The following RPS6KA2 variants were observed in gnomAD, a reference collection of about 807,000 sequenced individuals.
The protein encoded by RPS6KA2 is ribosomal protein S6 kinase alpha-2.
RPS6KA2 carries 42 observed loss-of-function variants against 91.8 expected under a neutral mutation model. That is an observed-to-expected ratio of 0.46 (90% CI 0.36 to 0.59). The LOEUF is 0.59. Among genes scored for constraint, RPS6KA2 ranks in the 20% least tolerant of loss-of-function variants. The pLI, the probability that RPS6KA2 is intolerant of heterozygous loss-of-function variation, is 0.00. For synonymous variants in RPS6KA2, 414 were observed against 393.6 expected (o/e 1.05, Z -0.61); for missense variants, 798 against 978.5 (o/e 0.82, Z 2.46).
chr6:166,655,449 G>C (rs1470528309), intron 2 of RPS6KA2, among the ~76,000 whole-genome samples: 1 of 152,224 alleles, frequency 6.6e-6, no homozygotes, highest in South Asian at 2.1e-4. Context: ...GGAACAAACA[G>C]AGCGGACTCC....
chr6:166,788,621 G>C (rs1458557163), intron 2 of RPS6KA2, among the ~76,000 whole-genome samples: 2 of 152,160 alleles, frequency 1.3e-5, no homozygotes, highest in African/African-American at 4.8e-5. Flanking sequence ...TCATTCATAA[G>C]TGGGAGCTGA....
At chr6:166,661,362 A>C (rs2128557700) in intron 2 of RPS6KA2, among the ~76,000 whole-genome samples, 1 of 152,270 alleles carries the variant, frequency 6.6e-6, no homozygotes, top group African/African-American at 2.4e-5. Context: ...GGCCTCCCCA[A>C]GTTCTAGGAT....
intron 1 of RPS6KA2, among the ~76,000 whole-genome samples, chr6:166,616,837 G>A (rs1386474342): frequency 6.6e-6 from 1 of 152,250 alleles, no homozygotes; most frequent in Non-Finnish European, 1.5e-5. Context: ...TGCCCAGCAG[G>A]AGCCACAGTG....
At chr6:166,859,973 G>C (rs1300462501) in intron 1 of RPS6KA2, among the ~76,000 whole-genome samples, 6 of 152,178 alleles carry the variant, frequency 3.9e-5, no homozygotes, top group East Asian at 1.9e-4. Context: ...GGGTTTTAGG[G>C]CATTTAACTT....
chr6:166,749,950 AGAG>A lies in RPS6KA2; in HGVS notation c.123+108247_123+108249del, dbSNP rs1363853444. ...AAGGGGGATACTGAGTGAGGAAAAC[AGAG>A]AGGGCGGTGGAGGTGGCCACACAGT... On this transcript the variant is annotated intron_variant, in intron 2 of 21. Transcript: ENST00000503859. Among the ~76,000 whole-genome samples the A allele has an allele frequency of 2.6e-5, 4 of 151,728 alleles. No individual in the cohort carries two copies. In the East Asian group the frequency reaches 7.9e-4, roughly 30 times the overall value.
At chr6:166,827,786 A>T (rs1780086016) in intron 2 of RPS6KA2, among the ~76,000 whole-genome samples, 1 of 152,232 alleles carries the variant, frequency 6.6e-6, no homozygotes, top group African/African-American at 2.4e-5. Flanking sequence ...TCTTAAATAT[A>T]ACAATTTCAA....
intron 1 of RPS6KA2, among the ~76,000 whole-genome samples, chr6:166,587,175 A>G (rs1785202840): frequency 6.6e-6 from 1 of 152,242 alleles, no homozygotes; most frequent in South Asian, 2.1e-4. Flanking sequence ...TCTTTTATGA[A>G]CTCAGGGAAA....
chr6:166,544,117 C>T (rs1783747147), intron 1 of RPS6KA2, among the ~76,000 whole-genome samples: 1 of 152,198 alleles, frequency 6.6e-6, no homozygotes, highest in African/African-American at 2.4e-5. Flanking sequence ...CAGGGTTTGG[C>T]CTCTGCGTAT....
chr6:166,433,079 C>G lies in RPS6KA2; in HGVS notation c.1333-589G>C, dbSNP rs1382863496. Among the ~76,000 whole-genome samples the G allele has an allele frequency of 6.7e-6, 1 of 149,072 alleles. No homozygotes were observed. The highest frequency in any genetic ancestry group is 2.0e-4 in the East Asian group (1 of 4,960). Reference sequence around the variant, plus strand: ...GTTGGGTGGAGACACGTGTAGGGAGCTCATGCAAGTGCCACCAAATAACAG... The same window carrying G: ...GTTGGGTGGAGACACGTGTAGGGAGGTCATGCAAGTGCCACCAAATAACAG... On this transcript the variant is annotated intron_variant, in intron 14 of 20. Coordinates refer to ENST00000265678, the MANE Select transcript of RPS6KA2 (RefSeq NM_021135.6). The surrounding 1 kb of genome is among the most constrained non-coding windows in gnomAD (Gnocchi z 4.4).
In RPS6KA2 at chr6:166,586,061, C is replaced by T. The variant is rs530516111; in HGVS notation, c.99+40860G>A. 1.3e-4 allele frequency: 121 copies of T among 907,344 alleles called. 2 individuals carry two copies. In the South Asian group the frequency reaches 2.1e-3, roughly 15 times the overall value. The allele number at this position is 907,344 out of a possible 1,614,324, so 56.2% of individuals were successfully genotyped here. On this transcript the variant is annotated intron_variant, in intron 1 of 20. Coordinates refer to ENST00000265678, the MANE Select transcript of RPS6KA2 (RefSeq NM_021135.6). ...GTAAAACTATGACCAACAGAAGACA[C>T]CCAAACTTTTCTCATGGTAACAGAG...
At chr6:166,443,475 A>G (rs1466355214) in intron 14 of RPS6KA2, among the ~76,000 whole-genome samples, 2 of 152,242 alleles carry the variant, frequency 1.3e-5, no homozygotes, top group African/African-American at 4.8e-5. Context: ...GAACCACAAG[A>G]TACCATTTTT....
At position 166,770,956 on chromosome 6, in the gene RPS6KA2, G is replaced by A. The variant is rs760198969; in HGVS notation, c.123+87244C>T. 3.2e-6 allele frequency: 5 copies of A among 1,577,004 alleles called. No homozygotes were observed. The African/African-American group carries it at 6.8e-5, about 21-fold the overall frequency. On this transcript the variant is annotated intron_variant, in intron 2 of 21. Coordinates refer to the RPS6KA2 transcript ENST00000503859. The surrounding 1 kb of genome is among the most constrained non-coding windows in gnomAD (Gnocchi z 5.1). ...AAGAAAGAATTCCTTTAAGTCACAG[G>A]ACGTATTTACAGTCAGCAACTTCAT...
In RPS6KA2 at chr6:166,448,588, G is replaced by A; in HGVS notation, c.1332+136C>T. ...GTGCTCCTATGCTCCGTGCTCCCAT[G>A]TGCTGTACATGCTCCCACACGCTGC... On this transcript the variant is annotated intron_variant, in intron 14 of 20. Coordinates refer to ENST00000265678, the MANE Select transcript of RPS6KA2 (RefSeq NM_021135.6). This position sits in a 1 kb window ranked among gnomAD's most constrained non-coding sequence, Gnocchi z 4.7. 1 of 1,116,980 alleles carries A rather than the reference G, an allele frequency of 9.0e-7. No individual in the cohort carries two copies. The allele number at this position is 1,116,980 out of a possible 1,614,324, so 69.2% of individuals were successfully genotyped here.
chr6:166,603,456 G>A lies in RPS6KA2; in HGVS notation c.99+23465C>T, dbSNP rs1341531022. On this transcript the variant is annotated intron_variant, in intron 1 of 20. Coordinates refer to ENST00000265678, the MANE Select transcript of RPS6KA2 (RefSeq NM_021135.6). This position sits in a 1 kb window ranked among gnomAD's most constrained non-coding sequence, Gnocchi z 4.3. ...CACCAGCCACACGGGAGATGGTGTG[G>A]GATGTGGGATCTGAAAGGCTTCATT... Among the ~76,000 whole-genome samples the A allele has an allele frequency of 1.3e-5, 2 of 152,164 alleles. No homozygotes were observed. The highest frequency in any genetic ancestry group is 3.9e-4 in the East Asian group (2 of 5,190).
rs546552706 is a variant in RPS6KA2, at chr6:166,861,199, G to A, written c.63+909C>T. 9.2e-4 allele frequency among the ~76,000 whole-genome samples: 140 copies of A among 152,248 alleles called. 1 individual carries two copies. Among genetic ancestry groups the A allele is most frequent in the African/African-American group, 3.1e-3 (130 of 41,524 alleles). On this transcript the variant is annotated intron_variant, in intron 1 of 21. Coordinates refer to the RPS6KA2 transcript ENST00000503859. ...TGACTATCTCAAGACGTACATATAA[G>A]AATAAATAAAATTTAAAATAGCATT... is the stretch of plus-strand genomic sequence containing the variant.
intron 3 of RPS6KA2, among the ~76,000 whole-genome samples, chr6:166,520,894 G>A (rs1484394695): frequency 6.6e-6 from 1 of 152,260 alleles, no homozygotes; most frequent in African/African-American, 2.4e-5. Flanking sequence ...AACTCAGAGA[G>A]CATCAGGGCT....
chr6:166,563,689 A>T lies in RPS6KA2; in HGVS notation c.100-24905T>A, dbSNP rs1424377934. Reference sequence around the variant, plus strand: ...CTGCTTAAAGACATTGATGGATTTTATGAAGAAAATATTTAAGCCAATTTA... The same window carrying T: ...CTGCTTAAAGACATTGATGGATTTTTTGAAGAAAATATTTAAGCCAATTTA... On this transcript the variant is annotated intron_variant, in intron 1 of 20. Coordinates refer to ENST00000265678, the MANE Select transcript of RPS6KA2 (RefSeq NM_021135.6). This position sits in a 1 kb window ranked among gnomAD's most constrained non-coding sequence, Gnocchi z 4.1. Among the ~76,000 whole-genome samples the T allele has an allele frequency of 1.3e-5, 2 of 152,040 alleles. No individual in the cohort carries two copies. Among genetic ancestry groups the T allele is most frequent in the Non-Finnish European group, 2.9e-5 (2 of 68,006 alleles).
rs538065070 is a variant in RPS6KA2 at position 166,829,515 on chromosome 6, T to G, written c.123+28685A>C. ...CTAAGGAAGGAGAATGGCGTGAACC[T>G]GGAGGCGGAGCTTGCAGTGAGCCAA... On this transcript the variant is annotated intron_variant, in intron 2 of 21. Coordinates refer to the RPS6KA2 transcript ENST00000503859. Among the ~76,000 whole-genome samples, 79 of 137,038 alleles carry G rather than the reference T, an allele frequency of 5.8e-4. 1 individual carries two copies. The East Asian group carries it at 0.015, about 26-fold the overall frequency. The allele number at this position is 137,038 out of a possible 152,430, so 89.9% of individuals were successfully genotyped here. A position where few individuals can be genotyped will look rare whatever the true frequency, so the allele number is the denominator to read the frequency against.
At chr6:166,607,309 T>C (rs1562337891) in intron 1 of RPS6KA2, among the ~76,000 whole-genome samples, 2 of 152,018 alleles carry the variant, frequency 1.3e-5, no homozygotes, top group Non-Finnish European at 1.5e-5. Flanking sequence ...AATAAAAACA[T>C]ATGTCCACAC....
Sources: allele counts gnomAD v4.1 joint callset (sites outside exome capture counted in the v4.1 genomes callset), GRCh38; gene constraint gnomAD v4.1.1; non-coding constraint Gnocchi (gnomAD v3.1); transcripts MANE v1.5; gene names NCBI Gene and HGNC (gene_info 2026-07-23, HGNC 2026-07-21).